CDK18: variants seen among roughly 807,000 people sequenced by gnomAD.
CDK18 encodes the protein cyclin dependent kinase 18.
CDK18 carries 52 observed loss-of-function variants against 62.0 expected under a neutral mutation model. The ratio of observed to expected loss-of-function variants is 0.84; its 90% CI spans 0.67 to 1.06. CDK18 has a LOEUF of 1.06. Ranked by LOEUF, CDK18 falls within the 50% of genes least tolerant of loss-of-function variation. The probability of loss-of-function intolerance (pLI) is 0.00; values close to 1 mark genes in which losing one functional copy is unlikely to be tolerated. For synonymous variants in CDK18, 237 were observed against 247.0 expected (o/e 0.96, Z 0.38); for missense variants, 604 against 619.9 (o/e 0.97, Z 0.27).
intron 7 of CDK18, 41 bp from the exon 8 acceptor site, chr1:205,526,734 G>C: frequency 6.4e-7 from 1 of 1,572,108 alleles, no homozygotes; most frequent in Non-Finnish European, 8.8e-7. Context: ...TCTGGCCAGG[G>C]GTCAGCGTGG....
chr1:205,531,501 C>T lies in CDK18; in HGVS notation c.*123C>T, dbSNP rs1173742096. ...GAGGGCTGACAGCCAGCCTGGAAGA[C>T]CGCTTGGCAGCCCTTCTGGCCACGG... On this transcript the variant is annotated 3_prime_UTR_variant, in exon 16 of 16. Transcript: ENST00000429964. 2.3e-6 allele frequency: 2 copies of T among 888,028 alleles called. No homozygotes were observed. The highest frequency in any genetic ancestry group is 3.7e-6 in the Non-Finnish European group (2 of 537,794). The allele number at this position is 888,028 out of a possible 1,614,324, so 55.0% of individuals were successfully genotyped here.
intron 1 of CDK18, among the ~76,000 whole-genome samples, chr1:205,507,104 C>T (rs1216682618): frequency 6.6e-6 from 1 of 152,228 alleles, no homozygotes; most frequent in Non-Finnish European, 1.5e-5. Context: ...CCTCTACTTT[C>T]TGGGATCACC....
chr1:205,529,372 T>G lies in CDK18; in HGVS notation c.1121T>G (p.Phe374Cys). The G allele has an allele frequency of 6.2e-7, 1 of 1,614,014 alleles. No individual in the cohort carries two copies. Residue 374 changes from phenylalanine (F) to cysteine (C), a missense_variant, in exon 12 of 16, where the codon TTC (phenylalanine) becomes TGC (cysteine). Coordinates refer to ENST00000429964, the MANE Select transcript of CDK18 (RefSeq NM_212502.3). ...CCCGGCGTGACCGCCTTCTCTGAGT[T>G]CCGCACCTACAGCTTCCCCTGCTAC... ...TWPGVTAFSE[F>C]RTYSFPCYLP...
At chr1:205,531,316 G>A (rs374026327) in intron 15 of CDK18, 28 bp from the exon 16 acceptor site, 5 of 1,613,204 alleles carry the variant, frequency 3.1e-6, no homozygotes, top group Non-Finnish European at 3.4e-6. Flanking sequence ...CCTCCTCCCT[G>A]CAGCCCCACC....
chr1:205,523,614 T>A lies in CDK18; in HGVS notation c.262T>A (p.Phe88Ile), dbSNP rs1346862193. Reference sequence around the variant, plus strand: ...CCAGCGGCGGCAGAACCAGCGCCGCTTCTCCATGGAGGTAAGGGCCTCTGG... The same window carrying A: ...CCAGCGGCGGCAGAACCAGCGCCGCATCTCCATGGAGGTAAGGGCCTCTGG... ...QFQRRQNQRR[F>I]SMEDVSKRLS... Residue 88 changes from phenylalanine to isoleucine, a missense_variant, in exon 3 of 16, where the codon TTC becomes ATC. Transcript: ENST00000429964. 7 of 1,571,996 alleles carry A rather than the reference T, an allele frequency of 4.5e-6. No homozygotes were observed. The highest frequency in any genetic ancestry group is 6.0e-6 in the Non-Finnish European group (7 of 1,158,750).
intron 1 of CDK18, among the ~76,000 whole-genome samples, chr1:205,520,220 G>A (rs551303815): frequency 2.4e-4 from 36 of 152,324 alleles, no homozygotes; most frequent in Middle Eastern, 3.4e-3. Flanking sequence ...GCAGATAATT[G>A]TCCCTGACCT....
In CDK18 at chr1:205,529,438, T is replaced by G. The variant is rs946210895; in HGVS notation, c.1178+9T>G. The G allele has an allele frequency of 5.0e-6, 8 of 1,612,578 alleles. 1 individual carries two copies. In the Admixed American group the frequency reaches 6.7e-5, roughly 13 times the overall value. ...ATCAACCACGCGCCCAGGTAGCCCC[T>G]GCGCCCGCCGCCCCTCCTGCTGCGG... is the stretch of plus-strand genomic sequence containing the variant. On this transcript the variant is annotated intron_variant, in intron 12 of 15. Transcript: ENST00000429964.
In CDK18 at chr1:205,525,190, G is replaced by A. The variant is rs778624604; in HGVS notation, c.451G>A (p.Gly151Arg). Reference sequence around the variant, plus strand: ...AACATACGTGAAACTGGACAAACTGGGAGAGGTAAGACGCTGGGTTTGGTC... The same window carrying A: ...AACATACGTGAAACTGGACAAACTGAGAGAGGTAAGACGCTGGGTTTGGTC... The part of the protein sequence containing the change: ...LETYVKLDKL[G>R]EGTYATVFKG... The change falls in exon 5 of 16, where the codon GGA (glycine) becomes AGA (arginine). Residue 151 changes from glycine to arginine, a missense_variant. Transcript: ENST00000429964. The A allele has an allele frequency of 7.5e-5, 121 of 1,610,170 alleles. No homozygotes were observed. Among genetic ancestry groups the A allele is most frequent in the Non-Finnish European group, 1.0e-4 (118 of 1,177,128 alleles).
chr1:205,532,703 C>T lies in CDK18; in HGVS notation c.*1325C>T. 6.6e-6 allele frequency: 1 copy of T among 152,344 alleles called. No individual in the cohort carries two copies. The allele number at this position is 152,344 out of a possible 1,614,324, so 9.4% of individuals were successfully genotyped here. On this transcript the variant is annotated 3_prime_UTR_variant, in exon 16 of 16. Coordinates refer to ENST00000429964, the MANE Select transcript of CDK18 (RefSeq NM_212502.3). ...GGCCCCCTGCCCTGCCCACCTCAGG[C>T]CCCCACCCTCCACTCCTCCCCACGG...
chr1:205,516,976 C>G lies in CDK18; in HGVS notation c.-21-6171C>G, dbSNP rs1389323460. 1 of 152,304 alleles carries G rather than the reference C, an allele frequency of 6.6e-6. No homozygotes were observed. Among genetic ancestry groups the G allele is most frequent in the African/African-American group, 2.4e-5 (1 of 41,450 alleles). 9.4% of individuals were successfully genotyped at this position (152,304 alleles called of 1,614,324 possible). A position where few individuals can be genotyped will look rare whatever the true frequency, so the allele number is the denominator to read the frequency against. On this transcript the variant is annotated intron_variant, in intron 1 of 15. Coordinates refer to ENST00000429964, the MANE Select transcript of CDK18 (RefSeq NM_212502.3). This position sits in a 1 kb window ranked among gnomAD's most constrained non-coding sequence, Gnocchi z 4.8. ...GATTCCTGGGATGCTCTGTCAACCT[C>G]CTTCTCCACCTCCATGGTCTCCAGG...
rs371516663 is a variant in CDK18 at position 205,529,448 on chromosome 1, G to T, written c.1178+19G>T. 1.1e-5 allele frequency: 18 copies of T among 1,611,516 alleles called. No homozygotes were observed. The African/African-American group carries it at 1.7e-4, about 16-fold the overall frequency. On this transcript the variant is annotated intron_variant, in intron 12 of 15. Coordinates refer to ENST00000429964, the MANE Select transcript of CDK18 (RefSeq NM_212502.3). ...CGCCCAGGTAGCCCCTGCGCCCGCC[G>T]CCCCTCCTGCTGCGGCCCTGGCTCT...
chr1:205,519,341 G>A (rs1056018026), intron 1 of CDK18, among the ~76,000 whole-genome samples: 15 of 152,154 alleles, frequency 9.9e-5, no homozygotes, highest in Middle Eastern at 3.4e-3. Flanking sequence ...CCAAGACCCT[G>A]CTGGGTTCAA....
chr1:205,530,585 G>C, intron 14 of CDK18, 43 bp from the exon 15 acceptor site: 1 of 1,573,692 alleles, frequency 6.4e-7, no homozygotes, highest in East Asian at 2.2e-5. Context: ...CTGGAGGCCA[G>C]CTCCACGCAG....
Position 205,523,240 on chromosome 1 carries a change from G to T in CDK18, c.73G>T (p.Glu25Ter), listed in dbSNP as rs751726439. Reference protein sequence around the residue: ...LSVPRTETIEESLAEFTEQFN... With the variant: ...LSVPRTETIE ...AGTGCCCCGCACTGAGACCATTGAA[G>T]AATCCTTGGCTGAATTCACGGAGCA... Residue 25 changes from glutamate to a stop codon, truncating the protein, a stop_gained, in exon 2 of 16, where the codon GAA becomes TAA. Transcript: ENST00000429964. LOFTEE classifies it high-confidence loss of function. The T allele has an allele frequency of 6.8e-6, 11 of 1,614,136 alleles. No homozygotes were observed. In the Admixed American group the frequency reaches 1.5e-4, roughly 22 times the overall value.
chr1:205,523,705 A>G, intron 3 of CDK18, 80 bp downstream of exon 3: 1 of 1,480,184 alleles, frequency 6.8e-7, no homozygotes, highest in Middle Eastern at 1.8e-4. Context: ...GCTGCCTTAC[A>G]GCCAGACTTT....
chr1:205,526,135 G>C lies in CDK18; in HGVS notation c.527G>C (p.Arg176Pro), dbSNP rs774600930. ...AACCTTGTGGCCCTGAAAGAGATCC[G>C]GCTGGAGCACGAGGAGGGAGCGCCC... ...TENLVALKEIRLEHEEGAPCT... is the reference protein window; with the variant it reads ...TENLVALKEIPLEHEEGAPCT... The change falls in exon 6 of 16, where the codon CGG becomes CCG. Residue 176 changes from arginine (R) to proline (P), a missense_variant. By Grantham distance (103) the Arg-to-Pro change is moderately radical. Coordinates refer to ENST00000429964, the MANE Select transcript of CDK18 (RefSeq NM_212502.3). 1 of 1,614,102 alleles carries C rather than the reference G, an allele frequency of 6.2e-7. No individual in the cohort carries two copies. Among genetic ancestry groups the C allele is most frequent in the Admixed American group, 1.7e-5 (1 of 60,020 alleles).
chr1:205,515,388 T>C (rs531802996), intron 1 of CDK18, among the ~76,000 whole-genome samples: 1 of 152,048 alleles, frequency 6.6e-6, no homozygotes, highest in Non-Finnish European at 1.5e-5. Context: ...TATTGGCCAG[T>C]CTGGTCTTGA....
At chr1:205,512,742 C>T (rs959061208) in intron 1 of CDK18, among the ~76,000 whole-genome samples, 1 of 152,168 alleles carries the variant, frequency 6.6e-6, no homozygotes, top group Admixed American at 6.5e-5. Flanking sequence ...GACGACCAGC[C>T]AGGGGTTCTT....
chr1:205,515,532 T>C (rs1162463297), intron 1 of CDK18, among the ~76,000 whole-genome samples: 1 of 152,150 alleles, frequency 6.6e-6, no homozygotes, highest in Non-Finnish European at 1.5e-5. Context: ...CTGAGAAAGT[T>C]AAGTCTAGGA....
Sources: allele counts gnomAD v4.1 joint callset (sites outside exome capture counted in the v4.1 genomes callset), GRCh38; gene constraint gnomAD v4.1.1; non-coding constraint Gnocchi (gnomAD v3.1); transcripts MANE v1.5; gene names NCBI Gene and HGNC (gene_info 2026-07-23, HGNC 2026-07-21).